NOTCH2: variants seen among roughly 807,000 people sequenced by gnomAD.
NOTCH2 encodes neurogenic locus notch homolog protein 2.
Under a neutral mutation model 235.8 loss-of-function variants are expected in NOTCH2, and 29 were observed. The ratio of observed to expected loss-of-function variants is 0.12; its 90% CI spans 0.09 to 0.17. The LOEUF (loss-of-function observed/expected upper bound fraction) is 0.17. Ranked by LOEUF, NOTCH2 falls within the 10% of genes least tolerant of loss-of-function variation. NOTCH2 has a pLI of 1.00. For missense variants in NOTCH2, 2,285 were observed against 3,150.2 expected (o/e 0.73, Z 6.57); for synonymous variants, 1,086 against 1,141.5 (o/e 0.95, Z 0.98).
intron 12 of NOTCH2, among the ~76,000 whole-genome samples, chr1:119,957,164 G>A (rs1476151002): frequency 6.6e-6 from 1 of 152,214 alleles, no homozygotes; most frequent in African/African-American, 2.4e-5. Flanking sequence ...TTGCTATAAA[G>A]ATGATTAAAC....
intron 14 of NOTCH2, among the ~76,000 whole-genome samples, chr1:119,952,648 G>C (rs1479901343): frequency 6.6e-6 from 1 of 152,176 alleles, no homozygotes; most frequent in African/African-American, 2.4e-5. Context: ...GAGTGACGGG[G>C]AGTGGCTATA....
intron 19 of NOTCH2, among the ~76,000 whole-genome samples, chr1:119,939,610 T>C (rs587642767): frequency 6.6e-6 from 1 of 152,350 alleles, no homozygotes; most frequent in East Asian, 1.9e-4. Flanking sequence ...GCACAAGGAC[T>C]GGCACCTTTC....
chr1:119,917,495 C>T lies in NOTCH2; in HGVS notation c.6027+170G>A, dbSNP rs587624098. ...GCAGAGAACTCCATCCTGACACATG[C>T]CTGGACAAGCCCAATATCCTCATCA... On this transcript the variant is annotated intron_variant, in intron 33 of 33. Transcript: ENST00000256646. 8.5e-5 allele frequency among the ~76,000 whole-genome samples: 13 copies of T among 152,312 alleles called. No individual in the cohort carries two copies. The South Asian group carries it at 2.7e-3, about 32-fold the overall frequency.
chr1:119,943,875 C>T (rs921322202), intron 17 of NOTCH2, among the ~76,000 whole-genome samples: 8 of 151,614 alleles, frequency 5.3e-5, no homozygotes, highest in East Asian at 1.9e-4. Flanking sequence ...AGGGAGGTAA[C>T]GTTAAAAGAA....
rs1300428984 is a variant in NOTCH2, at chr1:120,010,830, T to C, written c.156-5242A>G. 6.6e-5 allele frequency among the ~76,000 whole-genome samples: 10 copies of C among 152,258 alleles called. No individual in the cohort carries two copies. The South Asian group carries it at 8.3e-4, about 13-fold the overall frequency. ...TATGCCCAGATAATAAAAATGTTCA[T>C]AGCAGCATTATTCATAATAGCTAAA... is the stretch of plus-strand genomic sequence containing the variant. On this transcript the variant is annotated intron_variant, in intron 2 of 33. Transcript: ENST00000256646.
intron 5 of NOTCH2, among the ~76,000 whole-genome samples, chr1:119,984,251 TAAAAC>T (rs1284998238): frequency 1.6e-4 from 25 of 152,230 alleles, no homozygotes; most frequent in African/African-American, 4.8e-4. Flanking sequence ...GTTCTTAAAA[TAAAAC>T]AAGATAATTT....
At position 119,949,021 on chromosome 1, in the gene NOTCH2, G is replaced by A. The variant is rs35656321; in HGVS notation, c.2585C>T (p.Ala862Val). The A allele has an allele frequency of 4.2e-4, 671 of 1,614,184 alleles. 3 individuals are homozygous for A. The African/African-American group carries it at 7.6e-3, about 18-fold the overall frequency. Residue 862 changes from alanine to valine, a missense_variant, in exon 16 of 34, where the codon GCT (alanine) becomes GTT (valine). Ala to Val is a moderately conservative substitution (Grantham distance 64, BLOSUM62 0). Coordinates refer to ENST00000256646, the MANE Select transcript of NOTCH2 (RefSeq NM_024408.4). ...PNFESYTCLC[A>V]PGWQGQRCTI... ...CATGTTCTTACCTTGCCAGCCAGGAGCACACAAGCAAGTATAACTCTCAAA... is the reference window on the plus strand; with the variant it reads ...CATGTTCTTACCTTGCCAGCCAGGAACACACAAGCAAGTATAACTCTCAAA...
chr1:119,948,645 T>G, intron 16 of NOTCH2, 79 bp from the exon 17 acceptor site: 3 of 1,516,042 alleles, frequency 2.0e-6, no homozygotes, highest in Non-Finnish European at 2.7e-6. Context: ...CTGAGCTTAG[T>G]TGGGGTGCAT....
chr1:119,948,788 G>A (rs1553197368), intron 16 of NOTCH2, among the ~76,000 whole-genome samples: 1 of 152,114 alleles, frequency 6.6e-6, no homozygotes, highest in Non-Finnish European at 1.5e-5. Flanking sequence ...TGAGGCTTAG[G>A]TTGCAGCCTT....
chr1:120,043,154 AGGCAGG>A (rs1654649793), intron 1 of NOTCH2, among the ~76,000 whole-genome samples: 1 of 150,962 alleles, frequency 6.6e-6, no homozygotes. Flanking sequence ...AGCTTCTAAT[AGGCAGG>A]GATTTTCAGC....
chr1:119,953,464 A>G lies in NOTCH2; in HGVS notation c.2365+79T>C, dbSNP rs1243638816. The G allele has an allele frequency of 2.1e-6, 3 of 1,458,838 alleles. No homozygotes were observed. The African/African-American group carries it at 4.2e-5, about 20-fold the overall frequency. The allele number at this position is 1,458,838 out of a possible 1,614,324, so 90.4% of individuals were successfully genotyped here. A position where few individuals can be genotyped will look rare whatever the true frequency, so the allele number is the denominator to read the frequency against. The stretch of plus-strand genomic sequence containing the variant: ...ACGAATGAATGAAAAAGAGAAAAGG[A>G]AACTAAGAAGTGAGTCAAGCAGTAT... On this transcript the variant is annotated intron_variant, in intron 14 of 33. Coordinates refer to ENST00000256646, the MANE Select transcript of NOTCH2 (RefSeq NM_024408.4).
chr1:119,963,180 T>TAGGAAGGAAGGAAGGAAGGAAGGA lies in NOTCH2; in HGVS notation c.1915+370_1915+393dup, dbSNP rs71074447. On this transcript the variant is annotated intron_variant, in intron 11 of 33. Coordinates refer to ENST00000256646, the MANE Select transcript of NOTCH2 (RefSeq NM_024408.4). ...GGAAGAAGGGAAGAAGGAAGGTAGG[T>TAGGAAGGAAGGAAGGAAGGAAGGA]AGGAAGGAAGGAAGGAAGGAAGGAA... 2.0e-3 allele frequency among the ~76,000 whole-genome samples: 287 copies of TAGGAAGGAAGGAAGGAAGGAAGGA among 144,840 alleles called. 4 individuals carry two copies. Among genetic ancestry groups the TAGGAAGGAAGGAAGGAAGGAAGGA allele is most frequent in the Non-Finnish European group, 3.2e-3 (213 of 66,232 alleles).
At chr1:119,962,649 C>T (rs587725586) in intron 11 of NOTCH2, among the ~76,000 whole-genome samples, 23 of 152,308 alleles carry the variant, frequency 1.5e-4, no homozygotes, top group African/African-American at 5.5e-4. Context: ...CCCTCTCCAC[C>T]TCTGCTCTCT....
chr1:119,917,618 G>C, intron 33 of NOTCH2, 47 bp downstream of exon 33: 1 of 1,184,560 alleles, frequency 8.4e-7, no homozygotes, highest in Non-Finnish European at 1.3e-6. Context: ...GCTTATAACT[G>C]AGGCACTGCT....
intron 5 of NOTCH2, among the ~76,000 whole-genome samples, chr1:119,971,126 T>G (rs1405729692): frequency 6.6e-6 from 1 of 152,220 alleles, no homozygotes; most frequent in Admixed American, 6.5e-5. Flanking sequence ...CTATCTAACA[T>G]GTACCTCCAT....
chr1:119,964,425 A>C (rs182911531), intron 10 of NOTCH2, among the ~76,000 whole-genome samples: 4 of 152,226 alleles, frequency 2.6e-5, no homozygotes, highest in Admixed American at 2.6e-4. Context: ...TCCTCCCCCC[A>C]CTTTTAAACC....
At position 119,912,355 on chromosome 1, in the gene NOTCH2, C is replaced by A. The variant is rs1648923310; in HGVS notation, c.*2951G>T. Reference sequence around the variant, plus strand: ...CATACATTCAATGTATTGGTTAGGGCCAAAATCCCTAAACCACCTCTCAAC... The same window carrying A: ...CATACATTCAATGTATTGGTTAGGGACAAAATCCCTAAACCACCTCTCAAC... On this transcript the variant is annotated 3_prime_UTR_variant, in exon 34 of 34. Transcript: ENST00000256646. 1 of 233,058 alleles carries A rather than the reference C, an allele frequency of 4.3e-6. No individual in the cohort carries two copies. Among genetic ancestry groups the A allele is most frequent in the Non-Finnish European group, 8.5e-6 (1 of 117,832 alleles). The allele number at this position is 233,058 out of a possible 1,614,324, so 14.4% of individuals were successfully genotyped here.
chr1:119,971,665 C>T (rs1651366929), intron 5 of NOTCH2, among the ~76,000 whole-genome samples: 2 of 152,124 alleles, frequency 1.3e-5, no homozygotes, highest in South Asian at 4.1e-4. Flanking sequence ...AGGAGAATCA[C>T]TTGTGCCATG....
chr1:119,949,373 A>C (rs1553197455), intron 15 of NOTCH2, among the ~76,000 whole-genome samples: 1 of 148,864 alleles, frequency 6.7e-6, no homozygotes, highest in Non-Finnish European at 1.5e-5. Flanking sequence ...GTTTCCCTAC[A>C]CTACTATTTC....
Sources: gnomAD v4.1 joint callset for allele counts (sites outside exome capture counted in the v4.1 genomes callset) on GRCh38, gnomAD v4.1.1 for gene constraint, MANE v1.5 for transcripts, NCBI Gene and HGNC (gene_info 2026-07-23, HGNC 2026-07-21) for gene names.